SEMA6D: variants seen among roughly 807,000 people sequenced by gnomAD.
The protein encoded by SEMA6D is semaphorin 6D.
A neutral mutation model predicts 106.6 loss-of-function variants in SEMA6D; 35 were observed. The ratio of observed to expected loss-of-function variants is 0.33; its 90% CI spans 0.25 to 0.44. The LOEUF is 0.44. Ranked by LOEUF, SEMA6D falls within the 20% of genes least tolerant of loss-of-function variation. The pLI, the probability that SEMA6D is intolerant of heterozygous loss-of-function variation, is 1.00. For synonymous variants in SEMA6D, 499 were observed against 487.7 expected, an observed-to-expected ratio of 1.02 and a Z score of -0.31; for missense variants, 1,185 against 1,345.9, an observed-to-expected ratio of 0.88 and a Z score of 1.87.
chr15:47,477,616 A>G (rs1496907), intron 3 of SEMA6D, among the ~76,000 whole-genome samples: 218 of 152,266 alleles, frequency 1.4e-3, no homozygotes, highest in African/African-American at 4.9e-3. Context: ...GAGAATTGTG[A>G]TGCAACTATC....
At chr15:47,432,325 G>T (rs367913789) in intron 2 of SEMA6D, among the ~76,000 whole-genome samples, 3 of 152,064 alleles carry the variant, frequency 2.0e-5, no homozygotes, top group African/African-American at 7.2e-5. Flanking sequence ...TTATAAATAT[G>T]GTTCGATAGA....
At chr15:47,743,346 A>C (rs1042305931) in intron 1 of SEMA6D, among the ~76,000 whole-genome samples, 2 of 152,156 alleles carry the variant, frequency 1.3e-5, no homozygotes, top group Admixed American at 6.5e-5. Flanking sequence ...GCAATTCACC[A>C]TCAGTGGGTA....
intron 3 of SEMA6D, among the ~76,000 whole-genome samples, chr15:47,540,922 G>A (rs1028096693): frequency 3.9e-5 from 6 of 152,236 alleles, no homozygotes; most frequent in African/African-American, 1.4e-4. Flanking sequence ...TGTCCCAAGA[G>A]CAAGAAACTC....
At chr15:47,301,291 C>T (rs1403972715) in intron 1 of SEMA6D, among the ~76,000 whole-genome samples, 1 of 152,184 alleles carries the variant, frequency 6.6e-6, no homozygotes. Flanking sequence ...TCTCCATTCC[C>T]CTCAAGAGTG....
Position 47,773,139 on chromosome 15 carries a change from T to G in SEMA6D, c.*1354T>G, listed in dbSNP as rs1372069671. ...GTCAAGTGTTTTCAGTATAGCACAT[T>G]ATTTACTGAGTGCCAGTTGTAAATG... is the stretch of plus-strand genomic sequence containing the variant. On this transcript the variant is annotated 3_prime_UTR_variant, in exon 19 of 19. Transcript: ENST00000536845. 6.6e-6 allele frequency: 1 copy of G among 152,634 alleles called. No individual in the cohort carries two copies. Among genetic ancestry groups the G allele is most frequent in the Non-Finnish European group, 1.5e-5 (1 of 68,042 alleles). The allele number at this position is 152,634 out of a possible 1,614,324, so 9.5% of individuals were successfully genotyped here. A position where few individuals can be genotyped will look rare whatever the true frequency, so the allele number is the denominator to read the frequency against.
At chr15:47,318,308 GC>G (rs1453208606) in intron 1 of SEMA6D, among the ~76,000 whole-genome samples, 1 of 142,084 alleles carries the variant, frequency 7.0e-6, no homozygotes, top group Non-Finnish European at 1.5e-5. Flanking sequence ...GGGTACATGT[GC>G]ACAATGTGCA....
intron 2 of SEMA6D, among the ~76,000 whole-genome samples, chr15:47,453,146 A>C (rs1333983934): frequency 6.6e-6 from 1 of 152,000 alleles, no homozygotes; most frequent in Non-Finnish European, 1.5e-5. Flanking sequence ...AATCTAAAAT[A>C]GTGTCAATGT....
intron 3 of SEMA6D, among the ~76,000 whole-genome samples, chr15:47,476,630 A>G (rs1047023373): frequency 3.7e-4 from 57 of 152,224 alleles, no homozygotes; most frequent in African/African-American, 1.3e-3. Context: ...TTAGAGACAA[A>G]CACTGGGAAT....
intron 2 of SEMA6D, among the ~76,000 whole-genome samples, chr15:47,455,776 G>T (rs2042328424): frequency 6.6e-6 from 1 of 151,944 alleles, no homozygotes; most frequent in African/African-American, 2.4e-5. Context: ...GATTTATTGT[G>T]AATTTAATGA....
chr15:47,589,882 A>G (rs945722903), intron 3 of SEMA6D, among the ~76,000 whole-genome samples: 1 of 152,234 alleles, frequency 6.6e-6, no homozygotes, highest in Non-Finnish European at 1.5e-5. Context: ...ACAATCCAAC[A>G]TAAAACTTAG....
chr15:47,528,115 G>T (rs560680920), intron 3 of SEMA6D, among the ~76,000 whole-genome samples: 2 of 152,188 alleles, frequency 1.3e-5, no homozygotes, highest in East Asian at 3.9e-4. Context: ...CCTGGTTGAT[G>T]TAATCCTGAG....
intron 2 of SEMA6D, among the ~76,000 whole-genome samples, chr15:47,445,248 G>A (rs992583966): frequency 6.6e-6 from 1 of 152,068 alleles, no homozygotes; most frequent in South Asian, 2.1e-4. Context: ...TGAGAAAAGA[G>A]GAATGCATGT....
chr15:47,369,236 G>C (rs1401253035), intron 1 of SEMA6D, among the ~76,000 whole-genome samples: 2 of 152,148 alleles, frequency 1.3e-5, no homozygotes, highest in African/African-American at 4.8e-5. Context: ...ATGTGCCTGT[G>C]ATTTCTGCAC....
At chr15:47,560,805 C>A (rs1173830307) in intron 3 of SEMA6D, among the ~76,000 whole-genome samples, 1 of 151,876 alleles carries the variant, frequency 6.6e-6, no homozygotes, top group Non-Finnish European at 1.5e-5. Context: ...AAAGGGGGAA[C>A]TTTGGACACA....
chr15:47,627,699 A>G (rs1298020259), intron 4 of SEMA6D, among the ~76,000 whole-genome samples: 2 of 152,134 alleles, frequency 1.3e-5, no homozygotes, highest in East Asian at 1.9e-4. Context: ...TCTCCTGTAC[A>G]CTTTACCCAG....
At chr15:47,661,343 A>G (rs938329450) in intron 4 of SEMA6D, among the ~76,000 whole-genome samples, 1 of 152,188 alleles carries the variant, frequency 6.6e-6, no homozygotes, top group Admixed American at 6.5e-5. Context: ...CAAATAACTG[A>G]TGATGTAATC....
In SEMA6D at chr15:47,743,109, C is replaced by T. The variant is rs985667339; in HGVS notation, c.-54-16636C>T. On this transcript the variant is annotated intron_variant, in intron 1 of 18. Coordinates refer to ENST00000536845, the MANE Select transcript of SEMA6D (RefSeq NM_001358351.3). ...GCATTGGTCAACTTAGGAAATGGGC[C>T]GGACAATATCACTGGCACACTGCTA... is the stretch of plus-strand genomic sequence containing the variant. Among the ~76,000 whole-genome samples, 6 of 152,204 alleles carry T rather than the reference C, an allele frequency of 3.9e-5. No homozygotes were observed. The South Asian group carries it at 1.0e-3, about 26-fold the overall frequency.
intron 1 of SEMA6D, among the ~76,000 whole-genome samples, chr15:47,749,131 G>T (rs537358301): frequency 6.8e-6 from 1 of 146,870 alleles, no homozygotes; most frequent in Non-Finnish European, 1.5e-5. Flanking sequence ...ACCCAGGCTG[G>T]AGTGCAGTGG....
chr15:47,592,890 A>T (rs185981512), intron 3 of SEMA6D, among the ~76,000 whole-genome samples: 1 of 152,324 alleles, frequency 6.6e-6, no homozygotes, highest in Admixed American at 6.5e-5. Flanking sequence ...TTTTCTTATC[A>T]GATTAGTGAT....
Sources: gnomAD v4.1 joint callset for allele counts (sites outside exome capture counted in the v4.1 genomes callset) on GRCh38, gnomAD v4.1.1 for gene constraint, MANE v1.5 for transcripts, NCBI Gene and HGNC (gene_info 2026-07-23, HGNC 2026-07-21) for gene names.